IMMT: variants seen among roughly 807,000 people sequenced by gnomAD.
The protein encoded by IMMT is MICOS complex subunit MIC60.
In IMMT, 40 loss-of-function variants were observed where a neutral mutation model predicts 92.7. The observed-to-expected ratio is 0.43, with a 90% CI of 0.34 to 0.56. IMMT has a LOEUF of 0.56. IMMT is among the 20% of genes least tolerant of loss of function. The pLI is 0.03. For synonymous variants in IMMT, 322 were observed against 336.1 expected, an observed-to-expected ratio of 0.96 and a Z score of 0.46; for missense variants, 831 against 912.1, an observed-to-expected ratio of 0.91 and a Z score of 1.14.
chr2:86,179,074 AAAAC>A (rs1022104204), intron 3 of IMMT, among the ~76,000 whole-genome samples: 1 of 152,086 alleles, frequency 6.6e-6, no homozygotes, highest in Non-Finnish European at 1.5e-5. Flanking sequence ...AACAAAAACA[AAAAC>A]AAAAACAAAC....
chr2:86,191,845 G>A (rs759842507), intron 1 of IMMT, among the ~76,000 whole-genome samples: 15 of 151,736 alleles, frequency 9.9e-5, no homozygotes, highest in Non-Finnish European at 1.9e-4. Context: ...AACCCGGGAG[G>A]CGGAGCTTGC....
chr2:86,147,885 T>C, intron 12 of IMMT, 52 bp from the exon 13 acceptor site: 1 of 1,576,720 alleles, frequency 6.3e-7, no homozygotes, highest in Non-Finnish European at 8.6e-7. Context: ...ACATATACTT[T>C]TAGGAAAACA....
intron 1 of IMMT, among the ~76,000 whole-genome samples, chr2:86,183,619 C>A (rs1203653214): frequency 7.9e-6 from 1 of 126,122 alleles, no homozygotes; most frequent in African/African-American, 2.8e-5. Flanking sequence ...AGAGTAAAAT[C>A]TTCCTCATAC....
At position 86,144,334 on chromosome 2, in the gene IMMT, T is replaced by C. The variant is rs201764625; in HGVS notation, c.2211A>G (p.Ile737Met). 1.9e-6 allele frequency: 3 copies of C among 1,614,002 alleles called. No individual in the cohort carries two copies. The highest frequency in any genetic ancestry group is 4.5e-5 in the East Asian group (2 of 44,884). ...EARMTLETKQ[I>M]VEILTAYASA... ...TGGCATATGCTGTCAGGATTTCCAC[T>C]ATCTGTTTCGTTTCTAGGGTCATTC... Residue 737 changes from isoleucine (I) to methionine (M), a missense_variant, in exon 15 of 15, where the codon ATA becomes ATG. By Grantham distance (10) the Ile-to-Met change is conservative. Transcript: ENST00000410111.
chr2:86,170,839 C>T lies in IMMT; in HGVS notation c.565G>A (p.Ala189Thr), dbSNP rs1490456003. The change falls in exon 6 of 15, where the codon GCA becomes ACA. Residue 189 changes from alanine to threonine, a missense_variant. Ala to Thr is a moderately conservative substitution (Grantham distance 58). Coordinates refer to ENST00000410111, the MANE Select transcript of IMMT (RefSeq NM_006839.3). ...GKPTPALSEEASSSSIRERPP... is the reference protein window; with the variant it reads ...GKPTPALSEETSSSSIRERPP... ...CGCTCCCTTATAGAAGATGAGGATG[C>T]TTCTTCTTGCAGCAAAAGTAAATAA... The T allele has an allele frequency of 3.2e-6, 5 of 1,574,312 alleles. No homozygotes were observed. The African/African-American group carries it at 5.4e-5, about 17-fold the overall frequency.
Position 86,144,765 on chromosome 2 carries a change from T to C in IMMT, c.1780A>G (p.Ser594Gly). ...TTGGCTTTGATGGCCTCAACTGCAC[T>C]ACCCAGCGGGATAGTAGGTGTTTCT... ...SAETPTIPLG[S>G]AVEAIKANCS... Residue 594 changes from serine (S) to glycine (G), a missense_variant, in exon 15 of 15, where the codon AGT becomes GGT. By Grantham distance (56) the Ser-to-Gly change is moderately conservative. Coordinates refer to ENST00000410111, the MANE Select transcript of IMMT (RefSeq NM_006839.3). 3 of 1,613,714 alleles carry C rather than the reference T, an allele frequency of 1.9e-6. No homozygotes were observed. The highest frequency in any genetic ancestry group is 2.5e-6 in the Non-Finnish European group (3 of 1,179,884).
At chr2:86,188,608 TAG>T (rs1262237855) in intron 1 of IMMT, among the ~76,000 whole-genome samples, 1 of 152,208 alleles carries the variant, frequency 6.6e-6, no homozygotes, top group Non-Finnish European at 1.5e-5. Context: ...GTATTTTTTG[TAG>T]AGACAGAGTT....
intron 7 of IMMT, among the ~76,000 whole-genome samples, chr2:86,162,336 G>C (rs1261552073): frequency 7.8e-6 from 1 of 128,716 alleles, no homozygotes; most frequent in Non-Finnish European, 1.6e-5. Context: ...TTTCTAAGGA[G>C]AGTTGTTTTT....
chr2:86,181,475 T>TA, intron 1 of IMMT, 103 bp from the exon 2 acceptor site: 3 of 778,686 alleles, frequency 3.9e-6, no homozygotes, highest in Non-Finnish European at 6.4e-6. Context: ...ATGTCTTCAT[T>TA]AAACAAAAAA....
At position 86,178,658 on chromosome 2, in the gene IMMT, T is replaced by C. The variant is rs183059194; in HGVS notation, c.309+775A>G. Among the ~76,000 whole-genome samples the C allele has an allele frequency of 2.8e-3, 421 of 151,920 alleles. 1 individual carries two copies. The highest frequency in any genetic ancestry group is 9.3e-3 in the African/African-American group (386 of 41,444). ...AAAAAAGAAAACTAACATACATACA[T>C]CTGGCAAGTTGCACTGCATACAGAC... is the stretch of plus-strand genomic sequence containing the variant. On this transcript the variant is annotated intron_variant, in intron 3 of 14. Coordinates refer to ENST00000410111, the MANE Select transcript of IMMT (RefSeq NM_006839.3).
chr2:86,159,069 G>C (rs574531629), intron 9 of IMMT, among the ~76,000 whole-genome samples: 1 of 151,616 alleles, frequency 6.6e-6, no homozygotes, highest in African/African-American at 2.4e-5. Flanking sequence ...CCACTTGGTT[G>C]GTGTCCAAGG....
chr2:86,185,000 A>G (rs1489042547), intron 1 of IMMT, among the ~76,000 whole-genome samples: 1 of 152,090 alleles, frequency 6.6e-6, no homozygotes, highest in African/African-American at 2.4e-5. Flanking sequence ...CATCCTGCTG[A>G]ACATGGTGAA....
intron 1 of IMMT, among the ~76,000 whole-genome samples, chr2:86,194,228 A>G (rs1673373126): frequency 6.6e-6 from 1 of 152,240 alleles, no homozygotes; most frequent in Admixed American, 6.5e-5. Context: ...AGCATGGCTA[A>G]TACTTTGCAG....
At position 86,181,302 on chromosome 2, in the gene IMMT, G is replaced by A; in HGVS notation, c.116C>T (p.Ser39Phe). ...PCRRYSTSGSSGLTTGKIAGA... is the reference protein window; with the variant it reads ...PCRRYSTSGSFGLTTGKIAGA... ...TATAGGGAGACATAATACATACCCA[G>A]AGCTGCCTGAAGTAGAGTATCTGCG... is the stretch of plus-strand genomic sequence containing the variant. The change falls in exon 2 of 15, where the codon TCT becomes TTT. Residue 39 changes from serine (S) to phenylalanine (F), a missense_variant. Transcript: ENST00000410111. 1 of 1,612,272 alleles carries A rather than the reference G, an allele frequency of 6.2e-7. No individual in the cohort carries two copies. The highest frequency in any genetic ancestry group is 1.1e-5 in the South Asian group (1 of 91,036).
At chr2:86,164,699 A>AAAAAAAAG (rs1430140071) in intron 7 of IMMT, among the ~76,000 whole-genome samples, 1 of 151,668 alleles carries the variant, frequency 6.6e-6, no homozygotes, top group Non-Finnish European at 1.5e-5. Flanking sequence ...CAAAAAAAAA[A>AAAAAAAAG]AAAAAGGAAT....
intron 6 of IMMT, among the ~76,000 whole-genome samples, chr2:86,167,484 G>GT (rs66768832): frequency 2.0e-4 from 25 of 123,162 alleles, no homozygotes; most frequent in African/African-American, 5.2e-4. Context: ...TTTGTTTTTT[G>GT]TTTTTTTTTT....
At chr2:86,176,923 C>T (rs576609936) in intron 3 of IMMT, among the ~76,000 whole-genome samples, 2 of 152,332 alleles carry the variant, frequency 1.3e-5, no homozygotes, top group South Asian at 4.1e-4. Context: ...CCACAGGGTT[C>T]TGCTCCTTGA....
chr2:86,166,097 C>T (rs1676653137), intron 7 of IMMT, among the ~76,000 whole-genome samples: 1 of 152,136 alleles, frequency 6.6e-6, no homozygotes, highest in African/African-American at 2.4e-5. Context: ...TTTGGGAGGC[C>T]GAGGCAGGCA....
At chr2:86,192,540 G>T (rs1673207548) in intron 1 of IMMT, among the ~76,000 whole-genome samples, 2 of 152,162 alleles carry the variant, frequency 1.3e-5, no homozygotes, top group African/African-American at 4.8e-5. Context: ...TGGAGCCAGG[G>T]ACTATTGTTA....
Sources: gnomAD v4.1 joint callset for allele counts (sites outside exome capture counted in the v4.1 genomes callset) on GRCh38, gnomAD v4.1.1 for gene constraint, MANE v1.5 for transcripts, NCBI Gene and HGNC (gene_info 2026-07-23, HGNC 2026-07-21) for gene names.